TENM3: variants seen among roughly 807,000 people sequenced by gnomAD.
TENM3 encodes the protein teneurin-3.
A neutral mutation model predicts 255.1 loss-of-function variants in TENM3; 63 were observed. The ratio of observed to expected loss-of-function variants is 0.25; its 90% CI spans 0.20 to 0.30. TENM3 has a LOEUF of 0.30. TENM3 is among the 10% of genes least tolerant of loss of function. TENM3 has a pLI of 1.00. For synonymous variants in TENM3, 1,306 were observed against 1,322.3 expected, an observed-to-expected ratio of 0.99 and a Z score of 0.27; for missense variants, 2,929 against 3,461.1, an observed-to-expected ratio of 0.85 and a Z score of 3.86.
At chr4:182,649,425 A>G (rs970660213) in intron 5 of TENM3, among the ~76,000 whole-genome samples, 1 of 150,514 alleles carries the variant, frequency 6.6e-6, no homozygotes, top group Non-Finnish European at 1.5e-5. Flanking sequence ...GCCTTGGATA[A>G]CATTTTGGAT....
intron 22 of TENM3, among the ~76,000 whole-genome samples, chr4:182,763,099 G>A (rs891183110): frequency 1.3e-5 from 2 of 151,378 alleles, no homozygotes; most frequent in Non-Finnish European, 3.0e-5. Context: ...AAGAGTGTAG[G>A]TCCGATATAA....
the TENM3 span, among the ~76,000 whole-genome samples, chr4:181,744,534 A>G: frequency 2.0e-5 from 3 of 152,116 alleles, no homozygotes; most frequent in Non-Finnish European, 4.4e-5. Context: ...GACTGATGTG[A>G]TGTAGTATCT....
the TENM3 span, among the ~76,000 whole-genome samples, chr4:181,952,885 C>T: frequency 6.6e-6 from 1 of 152,326 alleles, no homozygotes; most frequent in African/African-American, 2.4e-5. Flanking sequence ...GGGACCTCAT[C>T]CTCATTCCAG....
the TENM3 span, among the ~76,000 whole-genome samples, chr4:182,031,876 T>C: frequency 6.6e-6 from 1 of 152,194 alleles, no homozygotes; most frequent in African/African-American, 2.4e-5. Flanking sequence ...TGTGTAGGAA[T>C]GCTTGGGATT....
chr4:181,604,641 C>T, the TENM3 span, among the ~76,000 whole-genome samples: 5 of 152,308 alleles, frequency 3.3e-5, no homozygotes, highest in East Asian at 5.8e-4. Flanking sequence ...CTCAGTGCCC[C>T]TGCCTCCTCA....
chr4:181,613,113 A>G, the TENM3 span, among the ~76,000 whole-genome samples: 1 of 152,194 alleles, frequency 6.6e-6, no homozygotes, highest in Non-Finnish European at 1.5e-5. Context: ...GCCTTTGTGA[A>G]TGCTGTTCTA....
In TENM3 at chr4:182,232,162, C is replaced by T. The variant is rs192793735; in HGVS notation, c.-76+87408C>T. ...TACAAATGTCTATTCCGGGAACTGG[C>T]GTCTTCACTCCTCTGTCCTTCTGGC... On this transcript the variant is annotated intron_variant, in intron 1 of 2. Transcript: ENST00000512480. Among the ~76,000 whole-genome samples the T allele has an allele frequency of 1.9e-3, 295 of 152,230 alleles. 7 individuals are homozygous for T. The South Asian group carries it at 0.033, about 17-fold the overall frequency.
chr4:182,672,879 A>G, intron 6 of TENM3, 126 bp from the exon 7 acceptor site: 1 of 671,670 alleles, frequency 1.5e-6, no homozygotes, highest in Non-Finnish European at 2.5e-6. Flanking sequence ...TATGAAAGTA[A>G]TATATCAGAA....
At chr4:181,940,120 TAAC>T in the TENM3 span, among the ~76,000 whole-genome samples, 3 of 152,210 alleles carry the variant, frequency 2.0e-5, no homozygotes, top group Non-Finnish European at 4.4e-5. Flanking sequence ...GTGATAATAA[TAAC>T]TTTGAAGTAT....
chr4:182,020,653 C>A, the TENM3 span, among the ~76,000 whole-genome samples: 3 of 152,080 alleles, frequency 2.0e-5, no homozygotes, highest in African/African-American at 4.8e-5. Context: ...TCTCTAGGTA[C>A]CCGATAAATA....
chr4:181,807,501 G>A, the TENM3 span, among the ~76,000 whole-genome samples: 1 of 152,078 alleles, frequency 6.6e-6, no homozygotes, highest in East Asian at 1.9e-4. Context: ...TTATAGGCAT[G>A]CACCACCATG....
At chr4:181,801,651 A>AATATAT in the TENM3 span, among the ~76,000 whole-genome samples, 2,175 of 79,150 alleles carry the variant, frequency 0.027, 75 homozygotes, top group Non-Finnish European at 0.037. Context: ...AGAATTGTAA[A>AATATAT]ATATATATAT....
Position 182,799,692 on chromosome 4 carries a change from G to A in TENM3, c.7441G>A (p.Gly2481Ser), listed in dbSNP as rs1766766242. 4 of 1,549,320 alleles carry A rather than the reference G, an allele frequency of 2.6e-6. No homozygotes were observed. Among genetic ancestry groups the A allele is most frequent in the South Asian group, 1.2e-5 (1 of 83,982 alleles). Reference protein sequence around the residue: ...AEVQVSRRRAGGAQSWLWFAT... With the variant: ...AEVQVSRRRASGAQSWLWFAT... ...GGTGCAGGTGAGCCGGCGCCGGGCCGGCGGCGCGCAGTCCTGGCTGTGGTT... is the reference window on the plus strand; with the variant it reads ...GGTGCAGGTGAGCCGGCGCCGGGCCAGCGGCGCGCAGTCCTGGCTGTGGTT... Residue 2481 changes from glycine to serine, a missense_variant, in exon 28 of 28, where the codon GGC becomes AGC. By Grantham distance (56) the Gly-to-Ser change is moderately conservative (BLOSUM62 0). Coordinates refer to ENST00000511685, the MANE Select transcript of TENM3 (RefSeq NM_001080477.4). The surrounding 1 kb of genome is among the most constrained non-coding windows in gnomAD (Gnocchi z 4.2).
chr4:182,238,459 C>A (rs1202072571), upstream of TENM3, among the ~76,000 whole-genome samples: 2 of 152,184 alleles, frequency 1.3e-5, no homozygotes, highest in East Asian at 3.9e-4. Flanking sequence ...ATCCACCCAG[C>A]CTCTATGCCC....
chr4:182,795,360 A>T (rs1265147219), intron 26 of TENM3, among the ~76,000 whole-genome samples: 1 of 152,114 alleles, frequency 6.6e-6, no homozygotes, highest in African/African-American at 2.4e-5. Context: ...ATACTCCAAC[A>T]TTTGGGAGAA....
At chr4:182,239,142 T>C (rs1757087756), upstream of TENM3, among the ~76,000 whole-genome samples, 2 of 151,730 alleles carry the variant, frequency 1.3e-5, no homozygotes, top group African/African-American at 4.8e-5. Flanking sequence ...AATGGCACGA[T>C]CTCGACTCAC....
intron 1 of TENM3, among the ~76,000 whole-genome samples, chr4:182,165,347 T>C (rs1751633878): frequency 6.6e-6 from 1 of 152,228 alleles, no homozygotes; most frequent in African/African-American, 2.4e-5. Context: ...GACCAAAAAG[T>C]TACTTTATAA....
intron 3 of TENM3, among the ~76,000 whole-genome samples, chr4:182,505,742 C>T (rs985770383): frequency 6.6e-6 from 1 of 152,152 alleles, no homozygotes; most frequent in Non-Finnish European, 1.5e-5. Context: ...AGGCGTGAGC[C>T]ACCACACCCG....
chr4:182,736,203 A>G (rs1234665012), intron 16 of TENM3, among the ~76,000 whole-genome samples: 1 of 152,232 alleles, frequency 6.6e-6, no homozygotes, highest in Non-Finnish European at 1.5e-5. Flanking sequence ...AATCTAACCC[A>G]AACGATTGGG....
Sources: allele counts gnomAD v4.1 joint callset (sites outside exome capture counted in the v4.1 genomes callset), GRCh38; gene constraint gnomAD v4.1.1; non-coding constraint Gnocchi (gnomAD v3.1); transcripts MANE v1.5; gene names NCBI Gene and HGNC (gene_info 2026-07-23, HGNC 2026-07-21).